The following AMMECR1L variants were observed in gnomAD, a reference collection of about 807,000 sequenced individuals.
The protein encoded by AMMECR1L is AMMECR1 like, also known as AMMECR1-like protein.
In AMMECR1L, 4 loss-of-function variants were observed where a neutral mutation model predicts 36.8. That is an observed-to-expected ratio of 0.11 (90% CI 0.05 to 0.25). The LOEUF (loss-of-function observed/expected upper bound fraction) is 0.25. AMMECR1L is among the 10% of genes least tolerant of loss of function. The pLI is 1.00. For synonymous variants in AMMECR1L, 147 were observed against 148.0 expected, an observed-to-expected ratio of 0.99 and a Z score of 0.05; for missense variants, 232 against 392.1, an observed-to-expected ratio of 0.59 and a Z score of 3.45.
In AMMECR1L at chr2:127,863,759, A is replaced by G. The variant is rs1327192734; in HGVS notation, c.*1335T>C. The G allele has an allele frequency of 6.5e-6, 1 of 152,696 alleles. No individual in the cohort carries two copies. Among genetic ancestry groups the G allele is most frequent in the Non-Finnish European group, 1.5e-5 (1 of 68,048 alleles). The allele number at this position is 152,696 out of a possible 1,614,324, so 9.5% of individuals were successfully genotyped here. ...GCAGTGCCTTTGTAACAATATTTTC[A>G]AAGCATCTTCCAAGTCCCCTAGTTC... On this transcript the variant is annotated 3_prime_UTR_variant, in exon 8 of 8. Transcript: ENST00000272647.
At position 127,862,384 on chromosome 2, in the gene AMMECR1L, A is replaced by C. The variant is rs891242854; in HGVS notation, c.*2710T>G. ...ACCGCAGGTACTGGCCGCCCTCATC[A>C]CTGCTTTGGTCAAGCGTGCAGAGAA... is the stretch of plus-strand genomic sequence containing the variant. On this transcript the variant is annotated 3_prime_UTR_variant, in exon 8 of 8. Coordinates refer to ENST00000272647, the MANE Select transcript of AMMECR1L (RefSeq NM_001199140.2). 4 of 153,756 alleles carry C rather than the reference A, an allele frequency of 2.6e-5. No homozygotes were observed. Among genetic ancestry groups the C allele is most frequent in the African/African-American group, 7.2e-5 (3 of 41,420 alleles). The allele number at this position is 153,756 out of a possible 1,614,324, so 9.5% of individuals were successfully genotyped here.
chr2:127,874,355 T>C lies in AMMECR1L; in HGVS notation c.-38-83A>G, dbSNP rs181382599. Reference sequence around the variant, plus strand: ...AAACATCAAAGATAGAGAGTCTGCATTGACCAGCTAAGAGCTGTCAAATTC... The same window carrying C: ...AAACATCAAAGATAGAGAGTCTGCACTGACCAGCTAAGAGCTGTCAAATTC... On this transcript the variant is annotated intron_variant, in intron 2 of 7. Coordinates refer to ENST00000272647, the MANE Select transcript of AMMECR1L (RefSeq NM_001199140.2). The surrounding 1 kb of genome is among the most constrained non-coding windows in gnomAD (Gnocchi z 5.2). 1.6e-3 allele frequency: 2,055 copies of C among 1,321,986 alleles called. 25 individuals carry two copies. In the South Asian group the frequency reaches 0.016, roughly 10 times the overall value. The allele number at this position is 1,321,986 out of a possible 1,614,324, so 81.9% of individuals were successfully genotyped here.
In AMMECR1L at chr2:127,869,418, G is replaced by C. The variant is rs1316302964; in HGVS notation, c.724+36C>G. 4 of 1,568,320 alleles carry C rather than the reference G, an allele frequency of 2.6e-6. No individual in the cohort carries two copies. The highest frequency in any genetic ancestry group is 3.5e-6 in the Non-Finnish European group (4 of 1,138,302). On this transcript the variant is annotated intron_variant, in intron 6 of 7. Transcript: ENST00000272647. The surrounding 1 kb of genome is among the most constrained non-coding windows in gnomAD (Gnocchi z 4.7). ...CCCTTTAACTGGCACCACTGTGAATGATACTTGTCATTAAAATCCCATTCA... is the reference window on the plus strand; with the variant it reads ...CCCTTTAACTGGCACCACTGTGAATCATACTTGTCATTAAAATCCCATTCA...
intron 1 of AMMECR1L, chr2:127,885,600 C>T (rs1691736721): frequency 1.0e-6 from 1 of 980,070 alleles, no homozygotes; most frequent in Non-Finnish European, 1.2e-6. Flanking sequence ...ACCCCCTGCC[C>T]TCCGCTGGGA....
chr2:127,884,872 C>A (rs1204254884), intron 1 of AMMECR1L: 1 of 152,246 alleles, frequency 6.6e-6, no homozygotes, highest in East Asian at 1.9e-4. Flanking sequence ...CTCCCCACTA[C>A]TAGAGAATTG....
chr2:127,882,366 T>C (rs548972858), intron 2 of AMMECR1L, among the ~76,000 whole-genome samples: 83 of 152,220 alleles, frequency 5.5e-4, no homozygotes, highest in Non-Finnish European at 1.1e-3. Flanking sequence ...TGACACAGAG[T>C]TGACTTGAAA....
At chr2:127,885,195 A>C (rs1282437625) in intron 1 of AMMECR1L, 1 of 985,144 alleles carries the variant, frequency 1.0e-6, no homozygotes, top group African/African-American at 1.7e-5. Context: ...GAAAAAGAGA[A>C]GAGGAGGAGG....
In AMMECR1L at chr2:127,874,175, C is replaced by G; in HGVS notation, c.60G>C (p.Gly20=). The G allele has an allele frequency of 1.2e-6, 2 of 1,614,122 alleles. No individual in the cohort carries two copies. Among genetic ancestry groups the G allele is most frequent in the Non-Finnish European group, 1.7e-6 (2 of 1,180,022 alleles). Residue 20 remains glycine (G), a synonymous_variant, in exon 3 of 8, where the codon GGG becomes GGC. Coordinates refer to ENST00000272647, the MANE Select transcript of AMMECR1L (RefSeq NM_001199140.2). This position sits in a 1 kb window ranked among gnomAD's most constrained non-coding sequence, Gnocchi z 5.2. ...LEPKLAAGCC[G]VKKPKLSGSG... ...TTCCAGATAATTTGGGCTTCTTGAC[C>G]CCACAACAGCCTGCTGCCAACTTGG...
At chr2:127,884,949 C>T (rs1016976356) in intron 1 of AMMECR1L, 2 of 165,960 alleles carry the variant, frequency 1.2e-5, no homozygotes, top group African/African-American at 4.8e-5. Context: ...AGAGGCCCCA[C>T]CCACTCTATC....
Position 127,869,515 on chromosome 2 carries a change from G to T in AMMECR1L, c.663C>A (p.Phe221Leu). Reference sequence around the variant, plus strand: ...TGCGTTTGACACCTTTTTCATTAATGAATTCAATTCGAATCCCATGGACCC... The same window carrying T: ...TGCGTTTGACACCTTTTTCATTAATTAATTCAATTCGAATCCCATGGACCC... ...EVGVHGIRIE[F>L]INEKGVKRTA... The change falls in exon 6 of 8, where the codon TTC becomes TTA. Residue 221 changes from phenylalanine to leucine, a missense_variant. Phe to Leu is a conservative substitution (Grantham distance 22). This residue lies in a region of AMMECR1L where 83 missense variants were observed against 229.5 expected (regional missense o/e 0.36). Coordinates refer to ENST00000272647, the MANE Select transcript of AMMECR1L (RefSeq NM_001199140.2). The surrounding 1 kb of genome is among the most constrained non-coding windows in gnomAD (Gnocchi z 4.7). 6.2e-7 allele frequency: 1 copy of T among 1,614,028 alleles called. No homozygotes were observed. The highest frequency in any genetic ancestry group is 1.1e-5 in the South Asian group (1 of 91,078).
chr2:127,867,660 C>T (rs7572271), intron 6 of AMMECR1L, among the ~76,000 whole-genome samples: 13,554 of 151,984 alleles, frequency 0.089, 1,620 homozygotes, highest in African/African-American at 0.26. Context: ...GTGGGAGAAT[C>T]ATCTGAGCCC....
chr2:127,883,642 T>C (rs1293379104), intron 2 of AMMECR1L, among the ~76,000 whole-genome samples: 1 of 152,208 alleles, frequency 6.6e-6, no homozygotes, highest in Non-Finnish European at 1.5e-5. Context: ...CTATCATTAA[T>C]CAACTCAAGA....
At chr2:127,868,625 A>G (rs1230042849) in intron 6 of AMMECR1L, among the ~76,000 whole-genome samples, 1 of 152,236 alleles carries the variant, frequency 6.6e-6, no homozygotes, top group Non-Finnish European at 1.5e-5. Flanking sequence ...CAGAATGCAC[A>G]AGCAACATGT....
chr2:127,874,120 T>C lies in AMMECR1L; in HGVS notation c.115A>G (p.Thr39Ala), dbSNP rs754796899. ...SGTHSHGNQS[T>A]TVPGSSSGPL... ...CCTGAACTAGAGCCGGGGACAGTTG[T>C]GGACTGATTCCCGTGACTGTGCGTT... Residue 39 changes from threonine to alanine, a missense_variant, in exon 3 of 8, where the codon ACA (threonine) becomes GCA (alanine). By Grantham distance (58) the Thr-to-Ala change is moderately conservative. Coordinates refer to ENST00000272647, the MANE Select transcript of AMMECR1L (RefSeq NM_001199140.2). The surrounding 1 kb of genome is among the most constrained non-coding windows in gnomAD (Gnocchi z 5.2). 1 of 1,614,198 alleles carries C rather than the reference T, an allele frequency of 6.2e-7. No homozygotes were observed. Among genetic ancestry groups the C allele is most frequent in the South Asian group, 1.1e-5 (1 of 91,088 alleles).
At chr2:127,877,049 A>G (rs1691281481) in intron 2 of AMMECR1L, among the ~76,000 whole-genome samples, 1 of 148,558 alleles carries the variant, frequency 6.7e-6, no homozygotes, top group South Asian at 2.1e-4. Context: ...ATATATATAT[A>G]TATATATGTA....
chr2:127,862,789 A>T lies in AMMECR1L; in HGVS notation c.*2305T>A, dbSNP rs1388909317. The stretch of plus-strand genomic sequence containing the variant: ...TAACCAGCCCAATTCTTGTGCACTG[A>T]TTTTTTTTTCCCCATTTCTCGGGTT... On this transcript the variant is annotated 3_prime_UTR_variant, in exon 8 of 8. Transcript: ENST00000272647. 3 of 151,510 alleles carry T rather than the reference A, an allele frequency of 2.0e-5. No homozygotes were observed. Among genetic ancestry groups the T allele is most frequent in the Non-Finnish European group, 4.4e-5 (3 of 67,844 alleles). 9.4% of individuals were successfully genotyped at this position (151,510 alleles called of 1,614,324 possible). A position where few individuals can be genotyped will look rare whatever the true frequency, so the allele number is the denominator to read the frequency against.
intron 2 of AMMECR1L, among the ~76,000 whole-genome samples, chr2:127,879,037 A>G (rs901533197): frequency 1.3e-5 from 2 of 152,200 alleles, no homozygotes; most frequent in Admixed American, 1.3e-4. Flanking sequence ...TACTTCATCT[A>G]TACCTCTGTG....
At chr2:127,877,629 C>T (rs1691311095) in intron 2 of AMMECR1L, among the ~76,000 whole-genome samples, 1 of 152,164 alleles carries the variant, frequency 6.6e-6, no homozygotes, top group Admixed American at 6.5e-5. Flanking sequence ...AGCCACCGCA[C>T]CTGGGCCAGA....
At position 127,885,792 on chromosome 2, in the gene AMMECR1L, G is replaced by A; in HGVS notation, c.-149+18C>T. ...CCGGCAGCGGGGAGAAGGGTGCGGC[G>A]CAGCCCGAGTTTCCCACCTTTTCTC... On this transcript the variant is annotated intron_variant, in intron 1 of 7. Coordinates refer to ENST00000272647, the MANE Select transcript of AMMECR1L (RefSeq NM_001199140.2). 1.0e-6 allele frequency: 1 copy of A among 984,838 alleles called. No homozygotes were observed. The highest frequency in any genetic ancestry group is 1.2e-6 in the Non-Finnish European group (1 of 829,722). The allele number at this position is 984,838 out of a possible 1,614,324, so 61.0% of individuals were successfully genotyped here. A position where few individuals can be genotyped will look rare whatever the true frequency, so the allele number is the denominator to read the frequency against.
Sources: gnomAD v4.1 joint callset for allele counts (sites outside exome capture counted in the v4.1 genomes callset) on GRCh38, gnomAD v4.1.1 for gene constraint, gnomAD v4.1.1 regional missense constraint, Gnocchi (gnomAD v3.1) non-coding constraint, MANE v1.5 for transcripts, NCBI Gene and HGNC (gene_info 2026-07-23, HGNC 2026-07-21) for gene names.